TIGD5: variants seen among roughly 807,000 people sequenced by gnomAD.
TIGD5 encodes tigger transposable element-derived protein 5.
TIGD5 carries 24 observed loss-of-function variants against 28.8 expected under a neutral mutation model. The ratio of observed to expected loss-of-function variants is 0.83; its 90% CI spans 0.60 to 1.17. The LOEUF is 1.17. Ranked by LOEUF, TIGD5 falls within the 50% of genes most tolerant of loss-of-function variation. The pLI, the probability that TIGD5 is intolerant of heterozygous loss-of-function variation, is 0.00. For synonymous variants in TIGD5, 538 were observed against 430.5 expected, an observed-to-expected ratio of 1.25 and a Z score of -3.09; for missense variants, 922 against 911.4, an observed-to-expected ratio of 1.01 and a Z score of -0.15.
Position 143,599,926 on chromosome 8 carries a change from C to T in TIGD5, c.*94C>T. The T allele has an allele frequency of 7.5e-7, 1 of 1,338,700 alleles. No individual in the cohort carries two copies. The highest frequency in any genetic ancestry group is 1.9e-5 in the South Asian group (1 of 52,274). The allele number at this position is 1,338,700 out of a possible 1,614,324, so 82.9% of individuals were successfully genotyped here. ...TCTCCTCCCCTCCCCCTGGGGTGGC[C>T]CACCGCATGGGTACAGGGGGTTCCA... On this transcript the variant is annotated 3_prime_UTR_variant, in exon 1 of 1. Transcript: ENST00000504548.
rs1186003769 is a variant in TIGD5 at position 143,603,158 on chromosome 8, G to A, written c.*3326G>A. 6.6e-6 allele frequency: 1 copy of A among 152,204 alleles called. No homozygotes were observed. The highest frequency in any genetic ancestry group is 2.4e-5 in the African/African-American group (1 of 41,438). 9.4% of individuals were successfully genotyped at this position (152,204 alleles called of 1,614,324 possible). ...AACTGGCGAGCTTGTTTACAGCTGA[G>A]CTCGCCTGGTCAGATGGGCCCAGTG... is the stretch of plus-strand genomic sequence containing the variant. On this transcript the variant is annotated 3_prime_UTR_variant, in exon 1 of 1. Transcript: ENST00000504548.
In TIGD5 at chr8:143,599,055, GC is replaced by G; in HGVS notation, c.1156del (p.Leu386SerfsTer210). ...ATGCCCCCGTGCGGTGCAGGCCGGA[GC>G]CCCTCGGTCCCCCGGAGGAGCTGCA... ...EDAPVRCRPE[P>X]LGPPEELQTP... On this transcript the variant is annotated frameshift_variant, in exon 1 of 1. Transcript: ENST00000504548. LOFTEE classifies it high-confidence loss of function. 1 of 1,570,978 alleles carries G rather than the reference GC, an allele frequency of 6.4e-7. No homozygotes were observed.
In TIGD5 at chr8:143,600,680, GC is replaced by G; in HGVS notation, c.*853del. 6.6e-6 allele frequency: 1 copy of G among 152,294 alleles called. No individual in the cohort carries two copies. The highest frequency in any genetic ancestry group is 1.5e-5 in the Non-Finnish European group (1 of 68,022). The allele number at this position is 152,294 out of a possible 1,614,324, so 9.4% of individuals were successfully genotyped here. On this transcript the variant is annotated 3_prime_UTR_variant, in exon 1 of 1. Coordinates refer to ENST00000504548, the MANE Select transcript of TIGD5 (RefSeq NM_032862.5). ...TACCTGGAAGCAGGCCCTGGCATTA[GC>G]CCCCAGGGCAATACGCAGTGCCACC...
rs1829289434 is a variant in TIGD5, at chr8:143,602,844, G to C, written c.*3012G>C. ...GAAGGGAAGGCGCTGAGGAGGGAAA[G>C]ATGAGTGCAGGTTTTGTTGAAACCA... On this transcript the variant is annotated 3_prime_UTR_variant, in exon 1 of 1. Transcript: ENST00000504548. 6.6e-6 allele frequency: 1 copy of C among 152,286 alleles called. No individual in the cohort carries two copies. The highest frequency in any genetic ancestry group is 1.5e-5 in the Non-Finnish European group (1 of 68,124). The allele number at this position is 152,286 out of a possible 1,614,324, so 9.4% of individuals were successfully genotyped here.
At position 143,599,654 on chromosome 8, in the gene TIGD5, C is replaced by G. The variant is rs1398991898; in HGVS notation, c.1751C>G (p.Ser584Ter). The change falls in exon 1 of 1, where the codon TCA (serine) becomes TGA (stop). Residue 584 changes from serine to a stop codon, truncating the protein, a stop_gained. Coordinates refer to ENST00000504548, the MANE Select transcript of TIGD5 (RefSeq NM_032862.5). LOFTEE classifies it high-confidence loss of function. Reference protein sequence around the residue: ...EEEATDYGGTSVPTAGEAVRG... With the variant: ...EEEATDYGGT ...GAGGCCACCGACTATGGAGGGACCT[C>G]AGTGCCGACTGCCGGGGAGGCCGTG... The G allele has an allele frequency of 6.6e-7, 1 of 1,520,012 alleles. No homozygotes were observed. Among genetic ancestry groups the G allele is most frequent in the Non-Finnish European group, 8.8e-7 (1 of 1,136,860 alleles). 94.2% of individuals were successfully genotyped at this position (1,520,012 alleles called of 1,614,324 possible). A position where few individuals can be genotyped will look rare whatever the true frequency, so the allele number is the denominator to read the frequency against.
rs1407853339 is a variant in TIGD5, at chr8:143,598,451, G to A, written c.548G>A (p.Ser183Asn). Residue 183 changes from serine (S) to asparagine (N), a missense_variant, in exon 1 of 1, where the codon AGC (serine) becomes AAC (asparagine). Ser to Asn is a conservative substitution (Grantham distance 46, BLOSUM62 1). This residue lies in a region of TIGD5 where 821 missense variants were observed against 815.2 expected (regional missense o/e 1.01). Coordinates refer to ENST00000504548, the MANE Select transcript of TIGD5 (RefSeq NM_032862.5). This position sits in a 1 kb window ranked among gnomAD's most constrained non-coding sequence, Gnocchi z 6.6. ...WRWQKRHGIS[S>N]QRFYGEAGPP... ...TGGCAGAAGCGCCACGGCATCTCCAGCCAGCGCTTCTACGGCGAGGCCGGG... is the reference window on the plus strand; with the variant it reads ...TGGCAGAAGCGCCACGGCATCTCCAACCAGCGCTTCTACGGCGAGGCCGGG... 1.3e-6 allele frequency: 2 copies of A among 1,482,994 alleles called. No individual in the cohort carries two copies. Among genetic ancestry groups the A allele is most frequent in the Non-Finnish European group, 1.8e-6 (2 of 1,120,266 alleles). 91.9% of individuals were successfully genotyped at this position (1,482,994 alleles called of 1,614,324 possible). A position where few individuals can be genotyped will look rare whatever the true frequency, so the allele number is the denominator to read the frequency against.
Position 143,601,502 on chromosome 8 carries a change from C to G in TIGD5, c.*1670C>G, listed in dbSNP as rs141052452. The G allele has an allele frequency of 0.019, 2,858 of 152,532 alleles. 28 individuals are homozygous for G. Among genetic ancestry groups the G allele is most frequent in the Non-Finnish European group, 0.029 (1,964 of 68,158 alleles). The allele number at this position is 152,532 out of a possible 1,614,324, so 9.4% of individuals were successfully genotyped here. On this transcript the variant is annotated 3_prime_UTR_variant, in exon 1 of 1. Coordinates refer to ENST00000504548, the MANE Select transcript of TIGD5 (RefSeq NM_032862.5). ...TGCTCTGCCAGGCCTGCCTCCAGGGCTCTGAGGAGAAGCTGACTTCACGGC... is the reference window on the plus strand; with the variant it reads ...TGCTCTGCCAGGCCTGCCTCCAGGGGTCTGAGGAGAAGCTGACTTCACGGC...
chr8:143,600,030 G>C lies in TIGD5; in HGVS notation c.*198G>C, dbSNP rs1344107223. ...GCCTCACTGGCACCCTGGGGGCACA[G>C]CTGGAAGAGAGGCCTGGCCCATGCT... On this transcript the variant is annotated 3_prime_UTR_variant, in exon 1 of 1. Coordinates refer to ENST00000504548, the MANE Select transcript of TIGD5 (RefSeq NM_032862.5). 2 of 507,270 alleles carry C rather than the reference G, an allele frequency of 3.9e-6. No individual in the cohort carries two copies. The highest frequency in any genetic ancestry group is 3.8e-5 in the Admixed American group (1 of 26,152). 31.4% of individuals were successfully genotyped at this position (507,270 alleles called of 1,614,324 possible).
rs753361615 is a variant in TIGD5, at chr8:143,598,079, A to G, written c.176A>G (p.Lys59Arg). The change falls in exon 1 of 1, where the codon AAG becomes AGG. Residue 59 changes from lysine to arginine, a missense_variant. Lys to Arg is a conservative substitution (Grantham distance 26, BLOSUM62 2). This residue lies in a region of TIGD5 where 14 missense variants were observed against 35.3 expected (regional missense o/e 0.40). Coordinates refer to ENST00000504548, the MANE Select transcript of TIGD5 (RefSeq NM_032862.5). This position sits in a 1 kb window ranked among gnomAD's most constrained non-coding sequence, Gnocchi z 6.6. ...KMAFRKAYSI[K>R]DKLQAIERVK... ...GCCTTCCGCAAGGCCTACTCCATCAAGGACAAGCTGCAGGCCATCGAGCGC... is the reference window on the plus strand; with the variant it reads ...GCCTTCCGCAAGGCCTACTCCATCAGGGACAAGCTGCAGGCCATCGAGCGC... The G allele has an allele frequency of 5.2e-6, 8 of 1,528,490 alleles. No homozygotes were observed. Among genetic ancestry groups the G allele is most frequent in the Non-Finnish European group, 7.0e-6 (8 of 1,142,828 alleles). The allele number at this position is 1,528,490 out of a possible 1,614,324, so 94.7% of individuals were successfully genotyped here. A position where few individuals can be genotyped will look rare whatever the true frequency, so the allele number is the denominator to read the frequency against.
Position 143,599,579 on chromosome 8 carries a change from C to G in TIGD5, c.1676C>G (p.Pro559Arg), listed in dbSNP as rs758152433. 5.2e-6 allele frequency: 8 copies of G among 1,529,556 alleles called. No homozygotes were observed. The South Asian group carries it at 8.8e-5, about 17-fold the overall frequency. The allele number at this position is 1,529,556 out of a possible 1,614,324, so 94.7% of individuals were successfully genotyped here. The change falls in exon 1 of 1, where the codon CCG becomes CGG. Residue 559 changes from proline to arginine, a missense_variant. Pro to Arg is a moderately radical substitution (Grantham distance 103). This residue lies in a region of TIGD5 where 821 missense variants were observed against 815.2 expected (regional missense o/e 1.01). Coordinates refer to ENST00000504548, the MANE Select transcript of TIGD5 (RefSeq NM_032862.5). The stretch of plus-strand genomic sequence containing the variant: ...CCAGCCCTGCCCCCTGCAGCGCCTC[C>G]GGCCCCAGCCAGTCTGCCCTCTGCC... ...VGPALPPAAP[P>R]APASLPSAMG...
At position 143,599,410 on chromosome 8, in the gene TIGD5, G is replaced by T. The variant is rs1039309457; in HGVS notation, c.1507G>T (p.Ala503Ser). The change falls in exon 1 of 1, where the codon GCC (alanine) becomes TCC (serine). Residue 503 changes from alanine (A) to serine (S), a missense_variant. Physicochemically the swap from Ala to Ser is moderately conservative, Grantham distance 99. Transcript: ENST00000504548. ...TGGGCAGCCGGCCCAGGCCGAGGAA[G>T]CCGCCGAGCACAGCAGGGTGCTCAG... The part of the protein sequence containing the change: ...SAGQPAQAEE[A>S]AEHSRVLSDL... 1.9e-6 allele frequency: 3 copies of T among 1,567,002 alleles called. No individual in the cohort carries two copies. The highest frequency in any genetic ancestry group is 1.7e-6 in the Non-Finnish European group (2 of 1,156,772).
At position 143,599,013 on chromosome 8, in the gene TIGD5, C is replaced by A; in HGVS notation, c.1110C>A (p.Pro370=). The change falls in exon 1 of 1, where the codon CCC becomes CCA. Residue 370 remains proline (P), a synonymous_variant. Transcript: ENST00000504548. The stretch of plus-strand genomic sequence containing the variant: ...GCCCAAGCCCAGCTGCCAGTATGCC[C>A]GCCCTGGACAGCGAGGATGCCCCCG... ...PPCPSPAASM[P]ALDSEDAPVR... 6.4e-7 allele frequency: 1 copy of A among 1,574,156 alleles called. No individual in the cohort carries two copies. Among genetic ancestry groups the A allele is most frequent in the Non-Finnish European group, 8.6e-7 (1 of 1,167,876 alleles).
rs993408484 is a variant in TIGD5 at position 143,601,458 on chromosome 8, A to C, written c.*1626A>C. 6.6e-6 allele frequency: 1 copy of C among 152,340 alleles called. No homozygotes were observed. The highest frequency in any genetic ancestry group is 1.5e-5 in the Non-Finnish European group (1 of 68,126). 9.4% of individuals were successfully genotyped at this position (152,340 alleles called of 1,614,324 possible). A position where few individuals can be genotyped will look rare whatever the true frequency, so the allele number is the denominator to read the frequency against. ...CACCTTCCCAGGGGCACAGGCCCCC[A>C]AGGCGGGGACACCACCTCTGCTCTG... On this transcript the variant is annotated 3_prime_UTR_variant, in exon 1 of 1. Transcript: ENST00000504548.
rs1211583093 is a variant in TIGD5, at chr8:143,598,468, G to A, written c.565G>A (p.Glu189Lys). 1 of 1,459,234 alleles carries A rather than the reference G, an allele frequency of 6.9e-7. No homozygotes were observed. The highest frequency in any genetic ancestry group is 9.0e-7 in the Non-Finnish European group (1 of 1,109,510). 90.4% of individuals were successfully genotyped at this position (1,459,234 alleles called of 1,614,324 possible). The change falls in exon 1 of 1, where the codon GAG becomes AAG. Residue 189 changes from glutamate (E) to lysine (K), a missense_variant. Transcript: ENST00000504548. This position sits in a 1 kb window ranked among gnomAD's most constrained non-coding sequence, Gnocchi z 6.6. ...HGISSQRFYG[E>K]AGPPAPSPAP... ...CATCTCCAGCCAGCGCTTCTACGGC[G>A]AGGCCGGGCCCCCAGCCCCGAGCCC...
Position 143,599,865 on chromosome 8 carries a change from A to G in TIGD5, c.*33A>G. ...AGCCCAGTGACCTTTCTCCTGCTGC[A>G]CTTGGAGGGAGGGGACATACACACA... is the stretch of plus-strand genomic sequence containing the variant. On this transcript the variant is annotated 3_prime_UTR_variant, in exon 1 of 1. Coordinates refer to ENST00000504548, the MANE Select transcript of TIGD5 (RefSeq NM_032862.5). 2.1e-6 allele frequency: 3 copies of G among 1,443,576 alleles called. No homozygotes were observed. Among genetic ancestry groups the G allele is most frequent in the Non-Finnish European group, 2.7e-6 (3 of 1,107,550 alleles). The allele number at this position is 1,443,576 out of a possible 1,614,324, so 89.4% of individuals were successfully genotyped here.
chr8:143,598,159 G>C lies in TIGD5; in HGVS notation c.256G>C (p.Gly86Arg). The change falls in exon 1 of 1, where the codon GGG becomes CGG. Residue 86 changes from glycine to arginine, a missense_variant. Transcript: ENST00000504548. The surrounding 1 kb of genome is among the most constrained non-coding windows in gnomAD (Gnocchi z 6.6). ...GTGCCGCGACTTCGGCGTGCCGGGC[G>C]GGACGCTGCGCGGCTGGCTCAAGGA... ...SVCRDFGVPG[G>R]TLRGWLKDEP... 6.3e-7 allele frequency: 1 copy of C among 1,596,328 alleles called. No homozygotes were observed. The highest frequency in any genetic ancestry group is 8.5e-7 in the Non-Finnish European group (1 of 1,172,698).
At position 143,597,869 on chromosome 8, in the gene TIGD5, C is replaced by A. The variant is rs1423358705; in HGVS notation, c.-35C>A. ...CGAGCGGCTGGGCGTGTGGCTCCCG[C>A]GACCCGCGCGGCCCGGGTCCCCCCC... On this transcript the variant is annotated 5_prime_UTR_variant, in exon 1 of 1. Transcript: ENST00000504548. 2 of 726,884 alleles carry A rather than the reference C, an allele frequency of 2.8e-6. No homozygotes were observed. The highest frequency in any genetic ancestry group is 3.4e-6 in the Non-Finnish European group (2 of 596,436). The allele number at this position is 726,884 out of a possible 1,614,324, so 45.0% of individuals were successfully genotyped here.
chr8:143,597,871 A>G lies in TIGD5; in HGVS notation c.-33A>G. 4.3e-6 allele frequency: 3 copies of G among 701,762 alleles called. No homozygotes were observed. The highest frequency in any genetic ancestry group is 5.2e-6 in the Non-Finnish European group (3 of 576,986). The allele number at this position is 701,762 out of a possible 1,614,324, so 43.5% of individuals were successfully genotyped here. A position where few individuals can be genotyped will look rare whatever the true frequency, so the allele number is the denominator to read the frequency against. ...AGCGGCTGGGCGTGTGGCTCCCGCG[A>G]CCCGCGCGGCCCGGGTCCCCCCCGC... On this transcript the variant is annotated 5_prime_UTR_variant, in exon 1 of 1. Coordinates refer to ENST00000504548, the MANE Select transcript of TIGD5 (RefSeq NM_032862.5).
Position 143,598,567 on chromosome 8 carries a change from G to A in TIGD5, c.664G>A (p.Ala222Thr). The change falls in exon 1 of 1, where the codon GCC becomes ACC. Residue 222 changes from alanine to threonine, a missense_variant. Coordinates refer to ENST00000504548, the MANE Select transcript of TIGD5 (RefSeq NM_032862.5). This position sits in a 1 kb window ranked among gnomAD's most constrained non-coding sequence, Gnocchi z 6.6. Reference protein sequence around the residue: ...GAGPLPDRAPAPPPPAEGGYG... With the variant: ...GAGPLPDRAPTPPPPAEGGYG... ...CGGCCCCCTGCCCGACCGCGCCCCG[G>A]CCCCGCCGCCCCCGGCCGAGGGCGG... 1 of 1,324,508 alleles carries A rather than the reference G, an allele frequency of 7.5e-7. No homozygotes were observed. The highest frequency in any genetic ancestry group is 9.6e-7 in the Non-Finnish European group (1 of 1,044,886). The allele number at this position is 1,324,508 out of a possible 1,614,324, so 82.0% of individuals were successfully genotyped here. A position where few individuals can be genotyped will look rare whatever the true frequency, so the allele number is the denominator to read the frequency against.
Sources: gnomAD v4.1 joint callset for allele counts on GRCh38, gnomAD v4.1.1 for gene constraint, gnomAD v4.1.1 regional missense constraint, Gnocchi (gnomAD v3.1) non-coding constraint, MANE v1.5 for transcripts, NCBI Gene and HGNC (gene_info 2026-07-23, HGNC 2026-07-21) for gene names.